The following LRTM2 variants were observed in gnomAD, a reference collection of about 807,000 sequenced individuals.
LRTM2 encodes the protein leucine-rich repeat and transmembrane domain-containing protein 2.
Under a neutral mutation model 28.1 loss-of-function variants are expected in LRTM2, and 18 were observed. The ratio of observed to expected loss-of-function variants is 0.64; its 90% CI spans 0.44 to 0.95. The LOEUF (loss-of-function observed/expected upper bound fraction) is 0.95, where lower values mean the gene tolerates loss of function less well. Among genes scored for constraint, LRTM2 ranks in the 40% least tolerant of loss-of-function variants. LRTM2 has a pLI of 0.00. For synonymous variants in LRTM2, 250 were observed against 218.7 expected (o/e 1.14, Z -1.26); for missense variants, 436 against 497.2 (o/e 0.88, Z 1.17).
chr12:1,828,126 C>A lies in LRTM2; in HGVS notation c.-23C>A. 6.6e-7 allele frequency: 1 copy of A among 1,520,882 alleles called. No homozygotes were observed. 94.2% of individuals were successfully genotyped at this position (1,520,882 alleles called of 1,614,324 possible). On this transcript the variant is annotated 5_prime_UTR_variant, in exon 3 of 5. Coordinates refer to ENST00000299194, the MANE Select transcript of LRTM2 (RefSeq NM_001039029.3). This position sits in a 1 kb window ranked among gnomAD's most constrained non-coding sequence, Gnocchi z 4.2. ...CTCCTCTCTCCCCAGAGCGACAGGG[C>A]CCGGAGAGCCGTGGGCCTCACCATG...
At chr12:1,831,722 G>A (rs1328047300) in intron 4 of LRTM2, among the ~76,000 whole-genome samples, 197 bp downstream of exon 4, 1 of 152,058 alleles carries the variant, frequency 6.6e-6, no homozygotes, top group Admixed American at 6.5e-5. Context: ...CTGCCAATGG[G>A]AGAGAGGCTG....
rs1864746857 is a variant in LRTM2 at position 1,834,120 on chromosome 12, C to T, written c.659-147C>T. The T allele has an allele frequency of 1.9e-5, 18 of 931,354 alleles. No individual in the cohort carries two copies. Among genetic ancestry groups the T allele is most frequent in the Non-Finnish European group, 1.5e-6 (1 of 654,230 alleles). The allele number at this position is 931,354 out of a possible 1,614,324, so 57.7% of individuals were successfully genotyped here. On this transcript the variant is annotated intron_variant, in intron 4 of 4. Transcript: ENST00000299194. This position sits in a 1 kb window ranked among gnomAD's most constrained non-coding sequence, Gnocchi z 7.6. ...AATGCTGTTTTCCCTCCTCCGCTTC[C>T]TCTTCTATAGATGGTGATTCCAGGA...
rs1466353064 is a variant in LRTM2, at chr12:1,835,924, G to C, written c.*1203G>C. 2 of 152,570 alleles carry C rather than the reference G, an allele frequency of 1.3e-5. No homozygotes were observed. Among genetic ancestry groups the C allele is most frequent in the East Asian group, 1.9e-4 (1 of 5,200 alleles). The allele number at this position is 152,570 out of a possible 1,614,324, so 9.5% of individuals were successfully genotyped here. A position where few individuals can be genotyped will look rare whatever the true frequency, so the allele number is the denominator to read the frequency against. On this transcript the variant is annotated 3_prime_UTR_variant, in exon 5 of 5. Coordinates refer to ENST00000299194, the MANE Select transcript of LRTM2 (RefSeq NM_001039029.3). ...GCCTGTGACTTCAGGGCTGGGACTT[G>C]GTGGTGCTTTGCCATTGGTGGCACC...
In LRTM2 at chr12:1,835,010, AGAG is replaced by A; in HGVS notation, c.*294_*296del. 2.3e-6 allele frequency: 1 copy of A among 441,420 alleles called. No homozygotes were observed. 27.3% of individuals were successfully genotyped at this position (441,420 alleles called of 1,614,324 possible). On this transcript the variant is annotated 3_prime_UTR_variant, in exon 5 of 5. Transcript: ENST00000299194. ...ACAGCAAAGCAAGGAGGTGTGTGCA[AGAG>A]GAGGCTTCCGGACTGGGCATTCCCC...
chr12:1,834,280 C>A lies in LRTM2; in HGVS notation c.672C>A (p.Asp224Glu). ...EWFSYRGGRL[D>E]QLACTLPKEL... ...TTCTGCATGTAGGGGGACGCTTGGA[C>A]CAGCTTGCCTGCACCCTGCCCAAGG... The change falls in exon 5 of 5, where the codon GAC becomes GAA. Residue 224 changes from aspartate (D) to glutamate (E), a missense_variant. Asp to Glu is a conservative substitution (Grantham distance 45, BLOSUM62 2). Coordinates refer to ENST00000299194, the MANE Select transcript of LRTM2 (RefSeq NM_001039029.3). This position sits in a 1 kb window ranked among gnomAD's most constrained non-coding sequence, Gnocchi z 7.6. The A allele has an allele frequency of 6.3e-7, 1 of 1,576,698 alleles. No homozygotes were observed. The highest frequency in any genetic ancestry group is 8.6e-7 in the Non-Finnish European group (1 of 1,158,522).
At position 1,830,471 on chromosome 12, in the gene LRTM2, C is replaced by T. The variant is rs544515915; in HGVS notation, c.68-464C>T. Among the ~76,000 whole-genome samples the T allele has an allele frequency of 1.7e-4, 26 of 152,358 alleles. No homozygotes were observed. In the South Asian group the frequency reaches 5.4e-3, roughly 32 times the overall value. The stretch of plus-strand genomic sequence containing the variant: ...CAGCCTGGCCATTTTCCCTGGGAAA[C>T]AAACTCTGTCCCAGCAGTGACACTG... On this transcript the variant is annotated intron_variant, in intron 3 of 4. Transcript: ENST00000299194.
chr12:1,834,739 G>A lies in LRTM2; in HGVS notation c.*18G>A. The A allele has an allele frequency of 2.5e-6, 4 of 1,570,264 alleles. No individual in the cohort carries two copies. The highest frequency in any genetic ancestry group is 1.3e-5 in the African/African-American group (1 of 74,322). On this transcript the variant is annotated 3_prime_UTR_variant, in exon 5 of 5. Coordinates refer to ENST00000299194, the MANE Select transcript of LRTM2 (RefSeq NM_001039029.3). The surrounding 1 kb of genome is among the most constrained non-coding windows in gnomAD (Gnocchi z 7.6). Reference sequence around the variant, plus strand: ...TGGCCTGAGCGCCCATCCCCACCCGGCCAGGTAGGAAGGGCGGGGAGAGCA... The same window carrying A: ...TGGCCTGAGCGCCCATCCCCACCCGACCAGGTAGGAAGGGCGGGGAGAGCA...
rs1388661372 is a variant in LRTM2, at chr12:1,828,196, G to A, written c.48G>A (p.Leu16=). Residue 16 remains leucine (L), a synonymous_variant, in exon 3 of 5, where the codon CTG becomes CTA. Coordinates refer to ENST00000299194, the MANE Select transcript of LRTM2 (RefSeq NM_001039029.3). The surrounding 1 kb of genome is among the most constrained non-coding windows in gnomAD (Gnocchi z 4.2). ...SSPGQRGRLA[L]QWRQVSWITC... ...CTGGGCAGAGGGGCAGGCTCGCCCT[G>A]CAGTGGAGGCAAGTCTCCTGTGAGT... 3 of 1,546,816 alleles carry A rather than the reference G, an allele frequency of 1.9e-6. No homozygotes were observed. In the Admixed American group the frequency reaches 5.9e-5, roughly 31 times the overall value.
At position 1,834,664 on chromosome 12, in the gene LRTM2, G is replaced by C. The variant is rs780636190; in HGVS notation, c.1056G>C (p.Leu352=). The part of the protein sequence containing the change: ...YHRELKKRQP[L]MGDPEGEHED... ...GGGAGCTCAAAAAGCGCCAGCCCCT[G>C]ATGGGGGACCCCGAGGGCGAGCACG... Residue 352 remains leucine, a synonymous_variant, in exon 5 of 5, where the codon CTG becomes CTC. Transcript: ENST00000299194. The surrounding 1 kb of genome is among the most constrained non-coding windows in gnomAD (Gnocchi z 7.6). 2 of 1,601,714 alleles carry C rather than the reference G, an allele frequency of 1.2e-6. No individual in the cohort carries two copies.
At position 1,834,607 on chromosome 12, in the gene LRTM2, CAT is replaced by C. The variant is rs1864773316; in HGVS notation, c.1000_1001del (p.Ile334LeufsTer46). 1 of 1,599,974 alleles carries C rather than the reference CAT, an allele frequency of 6.3e-7. No homozygotes were observed. The highest frequency in any genetic ancestry group is 8.5e-7 in the Non-Finnish European group (1 of 1,179,920). ...MMVVAAAYGC[I>X]YASLMAKYHR... ...TGGTGGTGGCCGCTGCCTATGGCTG[CAT>C]CTACGCCTCCCTCATGGCCAAGTAC... is the stretch of plus-strand genomic sequence containing the variant. On this transcript the variant is annotated frameshift_variant, in exon 5 of 5. Coordinates refer to ENST00000299194, the MANE Select transcript of LRTM2 (RefSeq NM_001039029.3). LOFTEE classifies it high-confidence loss of function. This position sits in a 1 kb window ranked among gnomAD's most constrained non-coding sequence, Gnocchi z 7.6.
Position 1,833,083 on chromosome 12 carries a change from A to G in LRTM2, c.659-1184A>G, listed in dbSNP as rs1461960750. ...GGTCGCCGGGAACTGAATTCCCAGC[A>G]CAAAAATGCATGCCATGAGAATGTG... On this transcript the variant is annotated intron_variant, in intron 4 of 4. Coordinates refer to ENST00000299194, the MANE Select transcript of LRTM2 (RefSeq NM_001039029.3). This position sits in a 1 kb window ranked among gnomAD's most constrained non-coding sequence, Gnocchi z 4.2. 6.6e-6 allele frequency among the ~76,000 whole-genome samples: 1 copy of G among 152,240 alleles called. No individual in the cohort carries two copies. Among genetic ancestry groups the G allele is most frequent in the East Asian group, 1.9e-4 (1 of 5,200 alleles).
rs541423927 is a variant in LRTM2 at position 1,828,747 on chromosome 12, T to A, written c.67+532T>A. ...CTAGTGGGCTCGTGGGATGCGGCGC[T>A]GGAAGAGACTTTGGGGAGTGGGTCC... On this transcript the variant is annotated intron_variant, in intron 3 of 4. Coordinates refer to ENST00000299194, the MANE Select transcript of LRTM2 (RefSeq NM_001039029.3). This position sits in a 1 kb window ranked among gnomAD's most constrained non-coding sequence, Gnocchi z 4.2. Among the ~76,000 whole-genome samples the A allele has an allele frequency of 3.9e-5, 6 of 152,166 alleles. No individual in the cohort carries two copies. Among genetic ancestry groups the A allele is most frequent in the Non-Finnish European group, 8.8e-5 (6 of 68,034 alleles).
rs1364822187 is a variant in LRTM2, at chr12:1,828,604, G to A, written c.67+389G>A. Among the ~76,000 whole-genome samples the A allele has an allele frequency of 6.6e-6, 1 of 152,226 alleles. No individual in the cohort carries two copies. Among genetic ancestry groups the A allele is most frequent in the Non-Finnish European group, 1.5e-5 (1 of 68,034 alleles). On this transcript the variant is annotated intron_variant, in intron 3 of 4. Transcript: ENST00000299194. The surrounding 1 kb of genome is among the most constrained non-coding windows in gnomAD (Gnocchi z 4.2). ...CGGCCTGTGTCACAGACTGCGGCGA[G>A]CCCTTTTGCTCCCGTGGGGAACTGC...
At position 1,831,206 on chromosome 12, in the gene LRTM2, G is replaced by A. The variant is rs375310736; in HGVS notation, c.339G>A (p.Gly113=). 10 of 1,613,804 alleles carry A rather than the reference G, an allele frequency of 6.2e-6. No individual in the cohort carries two copies. The highest frequency in any genetic ancestry group is 7.6e-6 in the Non-Finnish European group (9 of 1,180,018). Residue 113 remains glycine, a synonymous_variant, in exon 4 of 5, where the codon GGG becomes GGA. Transcript: ENST00000299194. ...ACCGGCTGCCCCGCTCCATTTTCGGGGACCTGACGAATCTGACTGAGCTTC... is the reference window on the plus strand; with the variant it reads ...ACCGGCTGCCCCGCTCCATTTTCGGAGACCTGACGAATCTGACTGAGCTTC... ...FLDRLPRSIF[G]DLTNLTELQL...
At position 1,828,957 on chromosome 12, in the gene LRTM2, C is replaced by T. The variant is rs972300166; in HGVS notation, c.67+742C>T. On this transcript the variant is annotated intron_variant, in intron 3 of 4. Coordinates refer to ENST00000299194, the MANE Select transcript of LRTM2 (RefSeq NM_001039029.3). This position sits in a 1 kb window ranked among gnomAD's most constrained non-coding sequence, Gnocchi z 4.2. The stretch of plus-strand genomic sequence containing the variant: ...AGGCTACACGGTGGCAGGGAGGAAA[C>T]GGTCCCGCGGGACGGCATTCCGCCT... 3.3e-5 allele frequency among the ~76,000 whole-genome samples: 5 copies of T among 152,188 alleles called. No homozygotes were observed. Among genetic ancestry groups the T allele is most frequent in the African/African-American group, 7.2e-5 (3 of 41,450 alleles).
chr12:1,830,787 TG>T, intron 3 of LRTM2, 147 bp from the exon 4 acceptor site: 1 of 659,804 alleles, frequency 1.5e-6, no homozygotes, highest in African/African-American at 1.8e-5. Flanking sequence ...TGCTTTTATG[TG>T]GTTAATAAAC....
intron 1 of LRTM2, among the ~76,000 whole-genome samples, chr12:1,824,399 G>A (rs1565688138): frequency 6.6e-6 from 1 of 152,202 alleles, no homozygotes; most frequent in Non-Finnish European, 1.5e-5. Context: ...TACACTCAAA[G>A]CCCCATGTTT....
intron 1 of LRTM2, among the ~76,000 whole-genome samples, chr12:1,827,008 T>C (rs1254049478): frequency 3.3e-5 from 5 of 152,184 alleles, no homozygotes; most frequent in African/African-American, 1.2e-4. Context: ...AACCAGGAAT[T>C]ACCCAGGGAC....
chr12:1,833,030 C>T lies in LRTM2; in HGVS notation c.659-1237C>T, dbSNP rs112289389. On this transcript the variant is annotated intron_variant, in intron 4 of 4. Coordinates refer to ENST00000299194, the MANE Select transcript of LRTM2 (RefSeq NM_001039029.3). The surrounding 1 kb of genome is among the most constrained non-coding windows in gnomAD (Gnocchi z 4.2). ...TGTCAGCCGCACAGGGGAACTAGGC[C>T]GGGTGTCTTCAGACCCTCCTCTCCT... 5.7e-3 allele frequency among the ~76,000 whole-genome samples: 868 copies of T among 152,246 alleles called. 4 individuals are homozygous for T. Among genetic ancestry groups the T allele is most frequent in the Non-Finnish European group, 7.1e-3 (485 of 68,016 alleles).
Sources: allele counts gnomAD v4.1 joint callset (sites outside exome capture counted in the v4.1 genomes callset), GRCh38; gene constraint gnomAD v4.1.1; non-coding constraint Gnocchi (gnomAD v3.1); transcripts MANE v1.5; gene names NCBI Gene and HGNC (gene_info 2026-07-23, HGNC 2026-07-21).